The following SYT16 variants were observed in gnomAD, a reference collection of about 807,000 sequenced individuals.
SYT16 encodes the protein synaptotagmin 16.
SYT16 carries 42 observed loss-of-function variants against 61.4 expected under a neutral mutation model. That is an observed-to-expected ratio of 0.68 (90% CI 0.53 to 0.89). The LOEUF (loss-of-function observed/expected upper bound fraction) is 0.89, where lower values mean the gene tolerates loss of function less well. Among genes scored for constraint, SYT16 ranks in the 40% least tolerant of loss-of-function variants. The probability of loss-of-function intolerance (pLI) is 0.00; values close to 1 mark genes in which losing one functional copy is unlikely to be tolerated. For missense variants in SYT16, 804 were observed against 807.3 expected (o/e 1.00, Z 0.05); for synonymous variants, 314 against 302.3 (o/e 1.04, Z -0.40).
At chr14:61,831,297 C>T (rs540264229) in intron 1 of SYT16, among the ~76,000 whole-genome samples, 36 of 152,284 alleles carry the variant, frequency 2.4e-4, no homozygotes, top group African/African-American at 8.7e-4. Context: ...CCATCTTGTC[C>T]AGAAATGAGA....
chr14:62,032,509 A>T (rs2054345204), intron 3 of SYT16, among the ~76,000 whole-genome samples: 1 of 152,102 alleles, frequency 6.6e-6, no homozygotes, highest in African/African-American at 2.4e-5. Flanking sequence ...TGTACCTAAT[A>T]CACAGAAAAT....
intron 1 of SYT16, among the ~76,000 whole-genome samples, chr14:61,941,480 G>A (rs534525968): frequency 6.6e-6 from 1 of 152,226 alleles, no homozygotes; most frequent in South Asian, 2.1e-4. Context: ...TGAAATCTGG[G>A]ACTCTTCTTG....
chr14:62,028,134 G>C (rs2054171253), intron 3 of SYT16, among the ~76,000 whole-genome samples: 1 of 152,126 alleles, frequency 6.6e-6, no homozygotes, highest in African/African-American at 2.4e-5. Context: ...GCTCAGTTGT[G>C]TTATGCCATT....
At chr14:62,084,780 C>G (rs2056831580) in intron 7 of SYT16, among the ~76,000 whole-genome samples, 1 of 152,216 alleles carries the variant, frequency 6.6e-6, no homozygotes, top group Non-Finnish European at 1.5e-5. Flanking sequence ...CACTTAACCA[C>G]TAGCTTTGAT....
chr14:61,977,476 C>T (rs1164500649), intron 2 of SYT16, among the ~76,000 whole-genome samples: 1 of 152,110 alleles, frequency 6.6e-6, no homozygotes, highest in Non-Finnish European at 1.5e-5. Flanking sequence ...CTTTACAAGG[C>T]AGCAGGAAGA....
At chr14:61,824,338 T>A (rs1192477985) in intron 1 of SYT16, among the ~76,000 whole-genome samples, 6 of 152,116 alleles carry the variant, frequency 3.9e-5, no homozygotes, top group Non-Finnish European at 8.8e-5. Flanking sequence ...TTATATATAA[T>A]AAGCATTTTA....
At chr14:61,846,397 T>C (rs1191362667) in intron 1 of SYT16, among the ~76,000 whole-genome samples, 6 of 152,206 alleles carry the variant, frequency 3.9e-5, no homozygotes, top group Admixed American at 1.3e-4. Flanking sequence ...TCGACCCCTT[T>C]ATCATTATAT....
At chr14:61,982,558 C>T (rs762835317) in intron 2 of SYT16, among the ~76,000 whole-genome samples, 3 of 152,070 alleles carry the variant, frequency 2.0e-5, no homozygotes, top group African/African-American at 7.2e-5. Flanking sequence ...CCCACCAGGT[C>T]CCTCCCATAA....
At chr14:61,887,605 C>T (rs779809589) in intron 1 of SYT16, among the ~76,000 whole-genome samples, 12 of 152,226 alleles carry the variant, frequency 7.9e-5, no homozygotes, top group Non-Finnish European at 1.6e-4. Flanking sequence ...TAAATTGCTG[C>T]AGCTTCTACA....
intron 1 of SYT16, among the ~76,000 whole-genome samples, chr14:61,954,662 A>G (rs1460131254): frequency 1.3e-5 from 2 of 152,072 alleles, no homozygotes; most frequent in Admixed American, 1.3e-4. Context: ...TTTCTTCACT[A>G]TAGCATTTGT....
At chr14:62,003,744 A>G (rs917917212) in intron 3 of SYT16, among the ~76,000 whole-genome samples, 3 of 152,166 alleles carry the variant, frequency 2.0e-5, no homozygotes, top group African/African-American at 7.2e-5. Flanking sequence ...TGTAAAGAAC[A>G]TATTGGTCTT....
At chr14:62,036,566 A>G (rs1237745413) in intron 3 of SYT16, among the ~76,000 whole-genome samples, 3 of 152,142 alleles carry the variant, frequency 2.0e-5, no homozygotes, top group Non-Finnish European at 4.4e-5. Context: ...TTTATTAAGG[A>G]AAGAGTTTCA....
chr14:61,983,044 G>C (rs1387456938), intron 2 of SYT16, among the ~76,000 whole-genome samples: 1 of 152,150 alleles, frequency 6.6e-6, no homozygotes, highest in Non-Finnish European at 1.5e-5. Flanking sequence ...TTAGTTGATA[G>C]GTGGGAAGCA....
intron 3 of SYT16, among the ~76,000 whole-genome samples, chr14:62,049,097 T>A (rs968274817): frequency 5.9e-5 from 9 of 152,310 alleles, no homozygotes; most frequent in African/African-American, 9.6e-5. Context: ...CCCATTATTT[T>A]TGTGTGGGAG....
chr14:61,994,086 G>A (rs1028724684), intron 2 of SYT16, among the ~76,000 whole-genome samples: 5 of 152,172 alleles, frequency 3.3e-5, no homozygotes, highest in Admixed American at 1.3e-4. Flanking sequence ...GGGAACTAGG[G>A]TGTGGGGAAT....
chr14:62,063,737 ACT>A (rs35597203), intron 3 of SYT16, among the ~76,000 whole-genome samples: 23,638 of 151,966 alleles, frequency 0.16, 1,935 homozygotes, highest in South Asian at 0.24. Flanking sequence ...AGAGAGGAAC[ACT>A]CTGGCTTCAT....
At chr14:61,937,136 GATTCTATTTCTA>G (rs1594954381) in intron 1 of SYT16, among the ~76,000 whole-genome samples, 1 of 152,214 alleles carries the variant, frequency 6.6e-6, no homozygotes, top group Non-Finnish European at 1.5e-5. Flanking sequence ...ATGTCTCTGT[GATTCTATTTCTA>G]AGAGCTTCAA....
intron 3 of SYT16, among the ~76,000 whole-genome samples, chr14:62,002,636 G>C (rs953451451): frequency 3.9e-5 from 6 of 152,086 alleles, no homozygotes; most frequent in African/African-American, 1.4e-4. Context: ...AGGGGAATCT[G>C]CAGTGGTCTG....
intron 1 of SYT16, among the ~76,000 whole-genome samples, chr14:61,884,954 AT>A (rs1233025696): frequency 6.6e-6 from 1 of 152,118 alleles, no homozygotes; most frequent in African/African-American, 2.4e-5. Flanking sequence ...ATAAAGCCAA[AT>A]TGTGCTCTTT....
Sources: gnomAD v4.1 joint callset for allele counts (sites outside exome capture counted in the v4.1 genomes callset) on GRCh38, gnomAD v4.1.1 for gene constraint, MANE v1.5 for transcripts, NCBI Gene and HGNC (gene_info 2026-07-23, HGNC 2026-07-21) for gene names.